The following CSMD1 variants were observed in gnomAD, a reference collection of about 807,000 sequenced individuals.
The protein encoded by CSMD1 is CUB and sushi domain-containing protein 1.
Under a neutral mutation model 417.5 loss-of-function variants are expected in CSMD1, and 213 were observed. That is an observed-to-expected ratio of 0.51 (90% CI 0.46 to 0.57). The LOEUF is 0.57. Ranked by LOEUF, CSMD1 falls within the 20% of genes least tolerant of loss-of-function variation. The pLI, the probability that CSMD1 is intolerant of heterozygous loss-of-function variation, is 0.00. For synonymous variants in CSMD1, 2,862 were observed against 1,736.8 expected, an observed-to-expected ratio of 1.65 and a Z score of -16.11; for missense variants, 6,923 against 4,529.7, an observed-to-expected ratio of 1.53 and a Z score of -15.17.
chr8:3,645,596 G>C (rs138096787), intron 7 of CSMD1, among the ~76,000 whole-genome samples: 101 of 152,258 alleles, frequency 6.6e-4, no homozygotes, highest in African/African-American at 2.3e-3. Flanking sequence ...GGAAGAGTCA[G>C]CCTTCTGCAA....
chr8:3,746,084 T>C (rs1171077033), intron 6 of CSMD1, among the ~76,000 whole-genome samples: 3 of 136,396 alleles, frequency 2.2e-5, no homozygotes, highest in Admixed American at 6.8e-5. Context: ...ATTTAGCAAA[T>C]AAACATGAAA....
At chr8:3,109,238 T>C (rs532656463) in intron 43 of CSMD1, among the ~76,000 whole-genome samples, 16 of 152,304 alleles carry the variant, frequency 1.1e-4, no homozygotes, top group Admixed American at 2.0e-4. Flanking sequence ...GCACTCCAGC[T>C]GTGCGACAGG....
intron 26 of CSMD1, among the ~76,000 whole-genome samples, chr8:3,279,339 A>C (rs1802556149): frequency 1.3e-5 from 2 of 152,198 alleles, no homozygotes. Context: ...GCAGATTTTA[A>C]AAATAGACTG....
At chr8:3,042,382 C>G (rs1811159744) in intron 50 of CSMD1, among the ~76,000 whole-genome samples, 1 of 152,086 alleles carries the variant, frequency 6.6e-6, no homozygotes, top group Non-Finnish European at 1.5e-5. Context: ...TATGTACCTC[C>G]TATCTAGCAC....
chr8:4,394,183 T>G (rs1161676680), intron 3 of CSMD1, among the ~76,000 whole-genome samples: 1 of 152,218 alleles, frequency 6.6e-6, no homozygotes, highest in Non-Finnish European at 1.5e-5. Context: ...TACATCTGTG[T>G]GTTGTATACT....
chr8:3,219,533 T>G, intron 28 of CSMD1, 91 bp from the exon 29 acceptor site: 1 of 957,444 alleles, frequency 1.0e-6, no homozygotes, highest in Non-Finnish European at 1.5e-6. Flanking sequence ...GTGATTTTAT[T>G]TGCTTTTGTA....
At chr8:4,744,451 T>A (rs111961787) in intron 1 of CSMD1, among the ~76,000 whole-genome samples, 1 of 152,180 alleles carries the variant, frequency 6.6e-6, no homozygotes, top group Non-Finnish European at 1.5e-5. Context: ...TGCGGCACTG[T>A]CCCAAAATGC....
intron 50 of CSMD1, among the ~76,000 whole-genome samples, chr8:3,041,315 A>G (rs908983947): frequency 1.3e-5 from 2 of 152,184 alleles, no homozygotes; most frequent in Non-Finnish European, 2.9e-5. Flanking sequence ...TTACAGCATT[A>G]TATTAATATA....
intron 3 of CSMD1, among the ~76,000 whole-genome samples, chr8:4,308,950 A>G (rs992494023): frequency 3.3e-5 from 5 of 152,200 alleles, no homozygotes; most frequent in African/African-American, 1.2e-4. Flanking sequence ...AGACTCTCAA[A>G]TACTCCCTGT....
At chr8:3,868,883 T>A (rs1470900705) in intron 5 of CSMD1, among the ~76,000 whole-genome samples, 1 of 152,182 alleles carries the variant, frequency 6.6e-6, no homozygotes, top group Non-Finnish European at 1.5e-5. Flanking sequence ...GTCTTCTAAT[T>A]GGTGTGCTTG....
At chr8:4,816,579 C>T (rs1270911860) in intron 1 of CSMD1, among the ~76,000 whole-genome samples, 1 of 152,118 alleles carries the variant, frequency 6.6e-6, no homozygotes, top group Non-Finnish European at 1.5e-5. Flanking sequence ...AATCAAGAGC[C>T]TTCTGAGTGT....
rs573121122 is a variant in CSMD1, at chr8:3,248,812, C to G, written c.4154-18581G>C. On this transcript the variant is annotated intron_variant, in intron 26 of 69. Coordinates refer to ENST00000635120, the MANE Select transcript of CSMD1 (RefSeq NM_033225.6). ...CAATTTTACCCTATTCTCTTGTTCA[C>G]TTGGCTAAATTCTACTTACTCTGTT... 5.9e-5 allele frequency among the ~76,000 whole-genome samples: 9 copies of G among 152,198 alleles called. No individual in the cohort carries two copies. In the East Asian group the frequency reaches 7.7e-4, roughly 13 times the overall value.
chr8:3,935,967 G>A (rs1195591122), intron 5 of CSMD1, among the ~76,000 whole-genome samples: 1 of 152,118 alleles, frequency 6.6e-6, no homozygotes, highest in Non-Finnish European at 1.5e-5. Context: ...AAAAGTTCTT[G>A]AAATATAGTA....
chr8:3,653,427 G>A (rs565640794), intron 7 of CSMD1, among the ~76,000 whole-genome samples: 1 of 152,070 alleles, frequency 6.6e-6, no homozygotes, highest in South Asian at 2.1e-4. Flanking sequence ...TCCTGCCTCA[G>A]CCTCCCCAGT....
At chr8:3,198,864 T>TC (rs1796840718) in intron 33 of CSMD1, among the ~76,000 whole-genome samples, 1 of 152,204 alleles carries the variant, frequency 6.6e-6, no homozygotes. Flanking sequence ...AAGAAAATAC[T>TC]TAACAGTGGC....
At chr8:3,400,463 A>T (rs775007041) in intron 15 of CSMD1, among the ~76,000 whole-genome samples, 2 of 152,128 alleles carry the variant, frequency 1.3e-5, no homozygotes, top group African/African-American at 4.8e-5. Context: ...CCATGTTTTG[A>T]TGCTAGAAAA....
intron 3 of CSMD1, among the ~76,000 whole-genome samples, chr8:4,351,235 T>A (rs893678989): frequency 2.0e-4 from 30 of 152,088 alleles, no homozygotes; most frequent in Non-Finnish European, 2.6e-4. Flanking sequence ...TACCTAAAGC[T>A]CCATCTACAT....
chr8:4,611,296 A>C (rs745839590), intron 2 of CSMD1, among the ~76,000 whole-genome samples: 33 of 152,186 alleles, frequency 2.2e-4, no homozygotes, highest in Non-Finnish European at 5.9e-5. Flanking sequence ...ATACCAATAA[A>C]TATGAAAGTT....
intron 33 of CSMD1, among the ~76,000 whole-genome samples, chr8:3,192,722 T>C (rs1247880750): frequency 1.3e-5 from 2 of 152,190 alleles, no homozygotes; most frequent in African/African-American, 4.8e-5. Flanking sequence ...GTTGACTGCA[T>C]TTTCTATTGT....
Sources: allele counts gnomAD v4.1 joint callset (sites outside exome capture counted in the v4.1 genomes callset), GRCh38; gene constraint gnomAD v4.1.1; transcripts MANE v1.5; gene names NCBI Gene and HGNC (gene_info 2026-07-23, HGNC 2026-07-21).